KALRN: variants seen among roughly 807,000 people sequenced by gnomAD.
The protein encoded by KALRN is kalirin.
Under a neutral mutation model 353.7 loss-of-function variants are expected in KALRN, and 70 were observed. That is an observed-to-expected ratio of 0.20 (90% CI 0.16 to 0.24). The LOEUF (loss-of-function observed/expected upper bound fraction) is 0.24. KALRN is among the 10% of genes least tolerant of loss of function. The pLI is 1.00. For synonymous variants in KALRN, 1,391 were observed against 1,434.8 expected (o/e 0.97, Z 0.69); for missense variants, 2,791 against 3,756.7 (o/e 0.74, Z 6.72).
intron 6 of KALRN, among the ~76,000 whole-genome samples, chr3:124,311,672 T>G (rs371500983): frequency 6.6e-6 from 1 of 152,194 alleles, no homozygotes; most frequent in Admixed American, 6.5e-5. Context: ...TATGTCTACA[T>G]AAAATGTCCA....
At chr3:124,155,359 C>A (rs2068830028) in intron 1 of KALRN, among the ~76,000 whole-genome samples, 1 of 152,182 alleles carries the variant, frequency 6.6e-6, no homozygotes, top group South Asian at 2.1e-4. Context: ...CACAGCATCA[C>A]AATGTCACCT....
intron 5 of KALRN, among the ~76,000 whole-genome samples, 180 bp from the exon 6 acceptor site, chr3:124,298,611 A>G (rs2077029725): frequency 1.3e-5 from 2 of 152,126 alleles, no homozygotes; most frequent in Non-Finnish European, 2.9e-5. Context: ...GCTAAAAGTG[A>G]GGGCTCTCCT....
intron 1 of KALRN, among the ~76,000 whole-genome samples, chr3:124,127,051 C>A (rs752395801): frequency 6.6e-6 from 1 of 152,150 alleles, no homozygotes; most frequent in African/African-American, 2.4e-5. Flanking sequence ...ATGACAGGAG[C>A]CCCAAGCTGC....
At chr3:124,276,702 C>G (rs556510988) in intron 5 of KALRN, among the ~76,000 whole-genome samples, 8 of 152,344 alleles carry the variant, frequency 5.3e-5, no homozygotes, top group Admixed American at 4.6e-4. Context: ...TTTTCTGGCC[C>G]AGCCCTTCCT....
intron 25 of KALRN, 28 bp downstream of exon 25, chr3:124,462,661 C>A: frequency 7.6e-7 from 1 of 1,307,970 alleles, no homozygotes; most frequent in Non-Finnish European, 1.1e-6. Flanking sequence ...CTCAGAGGTG[C>A]ACACTTAGGC....
chr3:124,199,571 C>T (rs1313892484), intron 1 of KALRN, among the ~76,000 whole-genome samples: 2 of 152,132 alleles, frequency 1.3e-5, no homozygotes, highest in Non-Finnish European at 2.9e-5. Flanking sequence ...TTACATATGC[C>T]AATCACCATG....
At chr3:124,087,532 G>A (rs1410260534) in intron 1 of KALRN, among the ~76,000 whole-genome samples, 2 of 152,152 alleles carry the variant, frequency 1.3e-5, no homozygotes, top group Non-Finnish European at 2.9e-5. Flanking sequence ...ACCTTGCTCT[G>A]CATGCACCAA....
chr3:124,151,891 T>C, intron 1 of KALRN: 1 of 581,660 alleles, frequency 1.7e-6, no homozygotes, highest in Non-Finnish European at 3.0e-6. Context: ...ATTACTATTT[T>C]GTATTCAATT....
At chr3:124,483,074 T>C (rs1326861122) in intron 28 of KALRN, among the ~76,000 whole-genome samples, 174 bp downstream of exon 28, 1 of 152,228 alleles carries the variant, frequency 6.6e-6, no homozygotes, top group African/African-American at 2.4e-5. Flanking sequence ...TCCAGATGCC[T>C]ATTTTAAGGC....
intron 5 of KALRN, among the ~76,000 whole-genome samples, chr3:124,292,200 G>A (rs1032349096): frequency 2.0e-5 from 3 of 152,146 alleles, no homozygotes; most frequent in South Asian, 2.1e-4. Flanking sequence ...TGATTCTCAC[G>A]TCTATTTTAG....
At chr3:124,233,463 T>G (rs1298055930) in intron 2 of KALRN, among the ~76,000 whole-genome samples, 1 of 152,184 alleles carries the variant, frequency 6.6e-6, no homozygotes, top group Admixed American at 6.5e-5. Context: ...TCTGTATGAA[T>G]CTGCCCTGAG....
At chr3:124,669,527 A>G (rs77082611) in intron 47 of KALRN, among the ~76,000 whole-genome samples, 4,247 of 152,308 alleles carry the variant, frequency 0.028, 82 homozygotes, top group East Asian at 0.079. Context: ...ATTCCATGTG[A>G]TGGGAATTGA....
intron 34 of KALRN, among the ~76,000 whole-genome samples, chr3:124,630,483 G>T (rs112445600): frequency 2.6e-5 from 4 of 151,984 alleles, no homozygotes; most frequent in Non-Finnish European, 1.5e-5. Flanking sequence ...TGCAACCTCC[G>T]CCTCCTGGGT....
intron 10 of KALRN, among the ~76,000 whole-genome samples, chr3:124,367,486 A>T: frequency 1.1e-5 from 1 of 86,974 alleles, no homozygotes; most frequent in Admixed American, 1.0e-4. Context: ...TCCCTCCCGG[A>T]CGGGGCAGCT....
chr3:124,264,059 T>A (rs2148882610), intron 3 of KALRN, among the ~76,000 whole-genome samples: 1 of 149,644 alleles, frequency 6.7e-6, no homozygotes. Flanking sequence ...ACTTTGGATT[T>A]TTTTTTTTTT....
At chr3:124,400,790 A>C in intron 13 of KALRN, among the ~76,000 whole-genome samples, 1 of 152,238 alleles carries the variant, frequency 6.6e-6, no homozygotes, top group Non-Finnish European at 1.5e-5. Flanking sequence ...CATTTTGCCC[A>C]CTGGGAGAGA....
chr3:124,379,463 A>G (rs900454875), intron 10 of KALRN, among the ~76,000 whole-genome samples: 5 of 152,128 alleles, frequency 3.3e-5, no homozygotes, highest in Admixed American at 1.3e-4. Flanking sequence ...GGATATTTCT[A>G]TATTCCTATA....
chr3:124,634,277 C>T (rs1043466917), intron 36 of KALRN, among the ~76,000 whole-genome samples: 1 of 152,200 alleles, frequency 6.6e-6, no homozygotes, highest in African/African-American at 2.4e-5. Flanking sequence ...TAGTTCCAGT[C>T]CACAACCATT....
At chr3:124,635,377 G>C (rs1321204522) in intron 36 of KALRN, among the ~76,000 whole-genome samples, 1 of 152,126 alleles carries the variant, frequency 6.6e-6, no homozygotes, top group Non-Finnish European at 1.5e-5. Flanking sequence ...CTCAAACACA[G>C]CTTGTTTACA....
Sources: gnomAD v4.1 joint callset for allele counts (sites outside exome capture counted in the v4.1 genomes callset) on GRCh38, gnomAD v4.1.1 for gene constraint, MANE v1.5 for transcripts, NCBI Gene and HGNC (gene_info 2026-07-23, HGNC 2026-07-21) for gene names.